Variants in PCDHGB3 observed in about 807,000 individuals in gnomAD.
The protein encoded by PCDHGB3 is protocadherin gamma subfamily B, 3.
In PCDHGB3, 40 loss-of-function variants were observed where a neutral mutation model predicts 59.2. The observed-to-expected ratio is 0.68, with a 90% CI of 0.52 to 0.88. PCDHGB3 has a LOEUF of 0.88. Among genes scored for constraint, PCDHGB3 ranks in the 40% least tolerant of loss-of-function variants. The probability of loss-of-function intolerance (pLI) is 0.00; values close to 1 mark genes in which losing one functional copy is unlikely to be tolerated. For synonymous variants in PCDHGB3, 581 were observed against 503.6 expected (o/e 1.15, Z -2.06); for missense variants, 1,309 against 1,187.9 (o/e 1.10, Z -1.50).
intron 1 of PCDHGB3, among the ~76,000 whole-genome samples, chr5:141,483,679 CAGAA>C (rs1470395939): frequency 6.7e-6 from 1 of 149,028 alleles, no homozygotes; most frequent in Non-Finnish European, 1.5e-5. Flanking sequence ...TAAAAGAACA[CAGAA>C]AGCCAGATTC....
chr5:141,485,192 A>T lies in PCDHGB3; in HGVS notation c.2416-9615A>T. 1.2e-6 allele frequency: 2 copies of T among 1,613,942 alleles called. No individual in the cohort carries two copies. Among genetic ancestry groups the T allele is most frequent in the African/African-American group, 2.7e-5 (2 of 75,048 alleles). On this transcript the variant is annotated intron_variant, in intron 1 of 3. Transcript: ENST00000576222. The surrounding 1 kb of genome is among the most constrained non-coding windows in gnomAD (Gnocchi z 5.7). ...GGCAGCAATGCTCCGCAAGGTGAGA[A>T]GCTGGACAGAAATCTGGCGGTGGGC... is the stretch of plus-strand genomic sequence containing the variant.
chr5:141,414,310 G>C, intron 1 of PCDHGB3: 1 of 1,613,722 alleles, frequency 6.2e-7, no homozygotes, highest in Non-Finnish European at 8.5e-7. Context: ...GCATGATTTA[G>C]ACTCTGAGCA....
intron 1 of PCDHGB3, chr5:141,427,221 T>C (rs1312743800): frequency 2.2e-6 from 1 of 456,628 alleles, no homozygotes; most frequent in Non-Finnish European, 4.4e-6. Context: ...TCGTAGCAGT[T>C]ATACCATGAG....
intron 1 of PCDHGB3, chr5:141,393,940 C>T: frequency 3.7e-6 from 6 of 1,613,928 alleles, no homozygotes; most frequent in Non-Finnish European, 5.1e-6. Flanking sequence ...GACCAAGACT[C>T]TGGAAAGAAT....
In PCDHGB3 at chr5:141,487,046, G is replaced by A; in HGVS notation, c.2416-7761G>A. ...CAGCCTGTTTGCAGTCTCTCGATATGCTGGGGAGGTGCGGACGGCTGTTCC... is the reference window on the plus strand; with the variant it reads ...CAGCCTGTTTGCAGTCTCTCGATATACTGGGGAGGTGCGGACGGCTGTTCC... On this transcript the variant is annotated intron_variant, in intron 1 of 3. Coordinates refer to ENST00000576222, the MANE Select transcript of PCDHGB3 (RefSeq NM_018924.5). The surrounding 1 kb of genome is among the most constrained non-coding windows in gnomAD (Gnocchi z 5.0). 6.2e-7 allele frequency: 1 copy of A among 1,614,192 alleles called. No individual in the cohort carries two copies. Among genetic ancestry groups the A allele is most frequent in the Non-Finnish European group, 8.5e-7 (1 of 1,180,040 alleles).
intron 1 of PCDHGB3, chr5:141,374,626 C>G (rs748933501): frequency 9.9e-6 from 16 of 1,613,226 alleles, no homozygotes; most frequent in Admixed American, 1.7e-5. Context: ...TCTCAGTGGA[C>G]GTGCAAAGCG....
intron 1 of PCDHGB3, among the ~76,000 whole-genome samples, chr5:141,492,165 C>T (rs932762928): frequency 1.4e-4 from 22 of 152,210 alleles, no homozygotes; most frequent in African/African-American, 4.8e-4. Context: ...TCCCTATCCC[C>T]GCATCACCCA....
chr5:141,399,611 T>A, intron 1 of PCDHGB3: 2 of 1,613,930 alleles, frequency 1.2e-6, no homozygotes, highest in Non-Finnish European at 1.7e-6. Flanking sequence ...CTAGAGCCTC[T>A]GGCACTGGCC....
At position 141,471,055 on chromosome 5, in the gene PCDHGB3, T is replaced by C. The variant is rs1229791864; in HGVS notation, c.2416-23752T>C. Reference sequence around the variant, plus strand: ...AACAAGCCCAAGCCCTCTTTTTTTTTTTTTTTTTTTTGAGACAGGGTCTCC... The same window carrying C: ...AACAAGCCCAAGCCCTCTTTTTTTTCTTTTTTTTTTTGAGACAGGGTCTCC... On this transcript the variant is annotated intron_variant, in intron 1 of 3. Coordinates refer to ENST00000576222, the MANE Select transcript of PCDHGB3 (RefSeq NM_018924.5). Among the ~76,000 whole-genome samples the C allele has an allele frequency of 1.7e-4, 25 of 148,764 alleles. 2 individuals are homozygous for C. The Admixed American group carries it at 1.7e-3, about 10-fold the overall frequency.
At chr5:141,435,803 T>C (rs551682061) in intron 1 of PCDHGB3, among the ~76,000 whole-genome samples, 1 of 152,178 alleles carries the variant, frequency 6.6e-6, no homozygotes, top group South Asian at 2.1e-4. Context: ...ACGTCCCAAT[T>C]ATTTTTTCTT....
chr5:141,418,069 G>T, intron 1 of PCDHGB3: 4 of 1,614,042 alleles, frequency 2.5e-6, no homozygotes, highest in South Asian at 2.2e-5. Flanking sequence ...GAGTGAGCGC[G>T]GAGAAGCTGC....
intron 1 of PCDHGB3, chr5:141,384,717 C>A (rs575459465): frequency 6.8e-6 from 11 of 1,614,166 alleles, no homozygotes; most frequent in Non-Finnish European, 9.3e-6. Context: ...GGCTGTCATA[C>A]CTCCTGCTTA....
rs114669158 is a variant in PCDHGB3 at position 141,511,003 on chromosome 5, G to A, written c.2620G>A (p.Ala874Thr). The change falls in exon 4 of 4, where the codon GCC (alanine) becomes ACC (threonine). Residue 874 changes from alanine to threonine, a missense_variant. Physicochemically the swap from Ala to Thr is moderately conservative, Grantham distance 58 (BLOSUM62 0). Coordinates refer to ENST00000576222, the MANE Select transcript of PCDHGB3 (RefSeq NM_018924.5). Reference protein sequence around the residue: ...GGGAGTMGLSARYGPQFTLQH... With the variant: ...GGGAGTMGLSTRYGPQFTLQH... ...GGGTGCCGGCACCATGGGATTGAGCGCCCGCTACGGACCCCAGTTCACCCT... is the reference window on the plus strand; with the variant it reads ...GGGTGCCGGCACCATGGGATTGAGCACCCGCTACGGACCCCAGTTCACCCT... The A allele has an allele frequency of 1.0e-4, 163 of 1,614,148 alleles. 1 individual carries two copies. The highest frequency in any genetic ancestry group is 9.5e-5 in the Non-Finnish European group (112 of 1,180,012).
intron 2 of PCDHGB3, among the ~76,000 whole-genome samples, chr5:141,503,614 A>G (rs1595875970): frequency 6.6e-6 from 1 of 151,640 alleles, no homozygotes; most frequent in South Asian, 2.1e-4. Flanking sequence ...AAAAAAAAAA[A>G]GAAAAAAGAA....
At chr5:141,501,871 C>T (rs562714939) in intron 2 of PCDHGB3, among the ~76,000 whole-genome samples, 3 of 152,244 alleles carry the variant, frequency 2.0e-5, no homozygotes, top group African/African-American at 7.2e-5. Context: ...CAGGACGCCT[C>T]CTTACACTCC....
At chr5:141,507,563 G>A (rs2099861587) in intron 3 of PCDHGB3, among the ~76,000 whole-genome samples, 1 of 152,222 alleles carries the variant, frequency 6.6e-6, no homozygotes, top group Non-Finnish European at 1.5e-5. Flanking sequence ...CAGGCGGCTG[G>A]GTCTGAGGAG....
intron 1 of PCDHGB3, chr5:141,404,393 A>G: frequency 6.2e-7 from 1 of 1,613,962 alleles, no homozygotes; most frequent in Non-Finnish European, 8.5e-7. Flanking sequence ...TGACCCTGAT[A>G]GCAATGAGAA....
chr5:141,491,884 G>C lies in PCDHGB3; in HGVS notation c.2416-2923G>C, dbSNP rs745931108. 5.0e-5 allele frequency: 73 copies of C among 1,446,372 alleles called. No homozygotes were observed. The highest frequency in any genetic ancestry group is 6.3e-5 in the Non-Finnish European group (69 of 1,094,334). The allele number at this position is 1,446,372 out of a possible 1,614,324, so 89.6% of individuals were successfully genotyped here. A position where few individuals can be genotyped will look rare whatever the true frequency, so the allele number is the denominator to read the frequency against. On this transcript the variant is annotated intron_variant, in intron 1 of 3. Coordinates refer to ENST00000576222, the MANE Select transcript of PCDHGB3 (RefSeq NM_018924.5). The surrounding 1 kb of genome is among the most constrained non-coding windows in gnomAD (Gnocchi z 6.9). The stretch of plus-strand genomic sequence containing the variant: ...AACCAGAGTGGCCGATTAAGGGATG[G>C]GGCTCCGAGCACCGGGGGTGGTGGC...
chr5:141,445,245 T>C (rs2098460607), intron 1 of PCDHGB3, among the ~76,000 whole-genome samples: 1 of 152,212 alleles, frequency 6.6e-6, no homozygotes, highest in Non-Finnish European at 1.5e-5. Flanking sequence ...TTACACTATA[T>C]TGTGTGAGAA....
Sources: allele counts gnomAD v4.1 joint callset (sites outside exome capture counted in the v4.1 genomes callset), GRCh38; gene constraint gnomAD v4.1.1; non-coding constraint Gnocchi (gnomAD v3.1); transcripts MANE v1.5; gene names NCBI Gene and HGNC (gene_info 2026-07-23, HGNC 2026-07-21).